ACBD6: variants seen among roughly 807,000 people sequenced by gnomAD.
ACBD6 encodes the protein acyl-CoA-binding domain-containing protein 6.
ACBD6 carries 28 observed loss-of-function variants against 37.2 expected under a neutral mutation model. That is an observed-to-expected ratio of 0.75 (90% confidence interval 0.56 to 1.03). The LOEUF (loss-of-function observed/expected upper bound fraction) is 1.03. Ranked by LOEUF, ACBD6 falls within the 50% of genes least tolerant of loss-of-function variation. ACBD6 has a pLI of 0.00. For missense variants in ACBD6, 340 were observed against 337.4 expected (o/e 1.01, Z -0.06); for synonymous variants, 113 against 126.8 (o/e 0.89, Z 0.73).
intron 3 of ACBD6, among the ~76,000 whole-genome samples, chr1:180,484,441 T>C (rs1437425429): frequency 2.0e-5 from 3 of 152,174 alleles, no homozygotes; most frequent in Admixed American, 6.5e-5. Context: ...TTTCTGTATA[T>C]TCTAGACTTA....
intron 7 of ACBD6, among the ~76,000 whole-genome samples, chr1:180,307,938 G>C (rs1235573433): frequency 1.3e-5 from 2 of 152,218 alleles, no homozygotes; most frequent in Non-Finnish European, 2.9e-5. Flanking sequence ...CTGGGTGACA[G>C]AGCGAGACTC....
At chr1:180,351,280 G>GTTT (rs34763031) in intron 6 of ACBD6, among the ~76,000 whole-genome samples, 1 of 125,222 alleles carries the variant, frequency 8.0e-6, no homozygotes, top group African/African-American at 2.9e-5. Flanking sequence ...CAGATATTAC[G>GTTT]TTTTTTTTTT....
At chr1:180,375,283 T>A (rs949477761) in intron 6 of ACBD6, among the ~76,000 whole-genome samples, 1 of 151,316 alleles carries the variant, frequency 6.6e-6, no homozygotes, top group Non-Finnish European at 1.5e-5. Context: ...ACCCCAAACA[T>A]AAGGAAATAC....
At chr1:180,447,947 A>G (rs1485790819) in intron 3 of ACBD6, among the ~76,000 whole-genome samples, 3 of 152,182 alleles carry the variant, frequency 2.0e-5, no homozygotes, top group East Asian at 3.8e-4. Flanking sequence ...GACCATGATT[A>G]TAAGTAGGCA....
At chr1:180,372,345 A>G (rs777412212) in intron 6 of ACBD6, among the ~76,000 whole-genome samples, 2 of 152,188 alleles carry the variant, frequency 1.3e-5, no homozygotes, top group Non-Finnish European at 2.9e-5. Context: ...TAAGTTACAG[A>G]CATCATGACA....
chr1:180,468,857 T>C (rs1650451298), intron 3 of ACBD6, among the ~76,000 whole-genome samples: 1 of 152,242 alleles, frequency 6.6e-6, no homozygotes, highest in Admixed American at 6.5e-5. Context: ...TTTCCACAAC[T>C]ACATTTTGTA....
At chr1:180,353,998 A>C (rs1297966397) in intron 6 of ACBD6, among the ~76,000 whole-genome samples, 3 of 152,188 alleles carry the variant, frequency 2.0e-5, no homozygotes, top group Admixed American at 2.0e-4. Flanking sequence ...CGTATGGATG[A>C]GGCAGATACC....
intron 6 of ACBD6, among the ~76,000 whole-genome samples, chr1:180,392,028 C>T (rs1037356387): frequency 1.4e-4 from 21 of 152,050 alleles, no homozygotes; most frequent in African/African-American, 2.4e-4. Flanking sequence ...TTATGTTGAA[C>T]ATAATAAGCT....
At chr1:180,450,825 G>A (rs1235721422) in intron 3 of ACBD6, among the ~76,000 whole-genome samples, 1 of 152,066 alleles carries the variant, frequency 6.6e-6, no homozygotes, top group African/African-American at 2.4e-5. Context: ...CATCGTCTAT[G>A]TGGGCCTAAA....
intron 6 of ACBD6, among the ~76,000 whole-genome samples, chr1:180,359,207 C>A (rs1652748407): frequency 6.6e-6 from 1 of 152,070 alleles, no homozygotes; most frequent in Non-Finnish European, 1.5e-5. Flanking sequence ...CCCTTAATCC[C>A]AAAGGAAGCA....
chr1:180,405,675 T>C (rs1004426207), intron 5 of ACBD6, among the ~76,000 whole-genome samples: 13 of 152,194 alleles, frequency 8.5e-5, no homozygotes, highest in Admixed American at 2.6e-4. Context: ...TTAGTGTTGA[T>C]TGTATAGTAC....
At chr1:180,498,852 T>C (rs1433646824) in intron 1 of ACBD6, among the ~76,000 whole-genome samples, 1 of 143,478 alleles carries the variant, frequency 7.0e-6, no homozygotes, top group Admixed American at 6.9e-5. Context: ...AGCAAAACTG[T>C]CTCAAAAAAA....
chr1:180,338,776 A>T (rs939490333), intron 6 of ACBD6, among the ~76,000 whole-genome samples: 1 of 152,220 alleles, frequency 6.6e-6, no homozygotes, highest in African/African-American at 2.4e-5. Flanking sequence ...TTTGCAATCT[A>T]CTCATCTGAC....
intron 3 of ACBD6, among the ~76,000 whole-genome samples, chr1:180,453,210 T>C (rs1649782945): frequency 6.6e-6 from 1 of 152,200 alleles, no homozygotes; most frequent in South Asian, 2.1e-4. Context: ...TCAAAAAGCT[T>C]ATCCACCACG....
intron 6 of ACBD6, among the ~76,000 whole-genome samples, chr1:180,339,076 G>A (rs1225965272): frequency 1.3e-5 from 2 of 152,228 alleles, no homozygotes; most frequent in Non-Finnish European, 2.9e-5. Flanking sequence ...CTTTTACACT[G>A]TTGGTGGGAC....
chr1:180,304,289 T>A (rs911717877), intron 7 of ACBD6, among the ~76,000 whole-genome samples: 3 of 150,642 alleles, frequency 2.0e-5, no homozygotes, highest in Admixed American at 6.6e-5. Context: ...ATAAAGGGTA[T>A]TCAATTAGGA....
At chr1:180,402,066 T>C (rs184223487) in intron 5 of ACBD6, among the ~76,000 whole-genome samples, 326 of 152,068 alleles carry the variant, frequency 2.1e-3, no homozygotes, top group Non-Finnish European at 4.0e-3. Context: ...TGCAAAAAAA[T>C]TGGGTATCAA....
intron 6 of ACBD6, among the ~76,000 whole-genome samples, chr1:180,391,478 A>T (rs1188984916): frequency 6.6e-6 from 1 of 151,182 alleles, no homozygotes; most frequent in African/African-American, 2.4e-5. Context: ...ACACAATTTT[A>T]AAAATAAGCA....
intron 6 of ACBD6, among the ~76,000 whole-genome samples, chr1:180,347,910 A>G (rs986792066): frequency 2.0e-5 from 3 of 151,980 alleles, no homozygotes; most frequent in Non-Finnish European, 4.4e-5. Context: ...GCTTGCGGTG[A>G]GCCGAGATTG....
Sources: gnomAD v4.1 joint callset for allele counts (sites outside exome capture counted in the v4.1 genomes callset) on GRCh38, gnomAD v4.1.1 for gene constraint, MANE v1.5 for transcripts, NCBI Gene and HGNC (gene_info 2026-07-23, HGNC 2026-07-21) for gene names.